GYPB: variants seen among roughly 807,000 people sequenced by gnomAD.
GYPB encodes glycophorin B (MNS blood group).
Under a neutral mutation model 15.3 loss-of-function variants are expected in GYPB, and 13 were observed. The ratio of observed to expected loss-of-function variants is 0.85; its 90% CI spans 0.55 to 1.35. GYPB has a LOEUF of 1.35. Among genes scored for constraint, GYPB ranks in the 40% most tolerant of loss-of-function variants. The pLI, the probability that GYPB is intolerant of heterozygous loss-of-function variation, is 0.00. For synonymous variants in GYPB, 38 were observed against 36.9 expected (o/e 1.03, Z -0.11); for missense variants, 131 against 108.3 (o/e 1.21, Z -0.93).
rs1005253127 is a variant in GYPB, at chr4:143,997,063, A to C, written c.270+477T>G. On this transcript the variant is annotated intron_variant, in intron 4 of 4. Coordinates refer to ENST00000502664, the MANE Select transcript of GYPB (RefSeq NM_002100.6). ...CTGATACTACACATGTGCACCACCA[A>C]GCCTTTCTAATTTTCATATTTTTTG... 5.4e-4 allele frequency among the ~76,000 whole-genome samples: 81 copies of C among 151,108 alleles called. 6 individuals carry two copies. Among genetic ancestry groups the C allele is most frequent in the African/African-American group, 1.9e-3 (76 of 40,592 alleles).
chr4:144,017,703 A>AC (rs1728578809), intron 1 of GYPB, among the ~76,000 whole-genome samples: 1 of 151,244 alleles, frequency 6.6e-6, no homozygotes, highest in African/African-American at 2.5e-5. Context: ...TGCTGGGCAC[A>AC]CCCCCAGTAG....
chr4:144,005,247 G>T (rs1229305740), intron 1 of GYPB, among the ~76,000 whole-genome samples: 1 of 151,966 alleles, frequency 6.6e-6, no homozygotes, highest in Non-Finnish European at 1.5e-5. Flanking sequence ...AGCATATCTG[G>T]TAAGCAGCAG....
intron 1 of GYPB, among the ~76,000 whole-genome samples, chr4:144,010,988 G>T (rs1309278458): frequency 6.6e-6 from 1 of 151,506 alleles, no homozygotes; most frequent in Admixed American, 6.6e-5. Flanking sequence ...TATGAAATAG[G>T]ATAACAGAAA....
At chr4:144,014,308 T>C (rs1238243602) in intron 1 of GYPB, among the ~76,000 whole-genome samples, 1 of 151,720 alleles carries the variant, frequency 6.6e-6, no homozygotes, top group African/African-American at 2.4e-5. Context: ...ATAGCAGCAC[T>C]ATTCACATTA....
intron 1 of GYPB, among the ~76,000 whole-genome samples, chr4:144,006,872 T>C (rs1727946587): frequency 6.6e-6 from 1 of 151,588 alleles, no homozygotes; most frequent in South Asian, 2.1e-4. Context: ...TCATATCCAT[T>C]GACTTCCAAC....
intron 2 of GYPB, among the ~76,000 whole-genome samples, chr4:144,000,654 C>A (rs1290709544): frequency 2.0e-5 from 3 of 151,206 alleles, no homozygotes; most frequent in African/African-American, 7.4e-5. Flanking sequence ...CAGCACCCAG[C>A]TTTGCTTATT....
At chr4:144,008,313 A>T (rs1728032732) in intron 1 of GYPB, 3 of 445,414 alleles carry the variant, frequency 6.7e-6, no homozygotes, top group Non-Finnish European at 1.4e-5. Flanking sequence ...TCACCAAATT[A>T]TAATGCAACC....
chr4:144,001,301 T>G lies in GYPB; in HGVS notation c.38-18A>C, dbSNP rs1344670613. 9 of 1,612,610 alleles carry G rather than the reference T, an allele frequency of 5.6e-6. No homozygotes were observed. Among genetic ancestry groups the G allele is most frequent in the Admixed American group, 1.7e-5 (1 of 59,948 alleles). ...CACAATTTCTGTATAAAATAGAAGTTGAGAAAGGGATTAAGAACGAGGTGA... is the reference window on the plus strand; with the variant it reads ...CACAATTTCTGTATAAAATAGAAGTGGAGAAAGGGATTAAGAACGAGGTGA... On this transcript the variant is annotated intron_variant, in intron 1 of 4. Transcript: ENST00000502664.
At chr4:144,015,564 A>C (rs1309013788) in intron 1 of GYPB, among the ~76,000 whole-genome samples, 4 of 151,480 alleles carry the variant, frequency 2.6e-5, no homozygotes, top group Non-Finnish European at 5.9e-5. Flanking sequence ...GTTTTGAATA[A>C]TCTTCTAGAA....
chr4:143,997,600 C>T lies in GYPB; in HGVS notation c.210G>A (p.Val70=), dbSNP rs770098408. The change falls in exon 4 of 5, where the codon GTG becomes GTA. Residue 70 remains valine, a synonymous_variant. Coordinates refer to ENST00000502664, the MANE Select transcript of GYPB (RefSeq NM_002100.6). Reference sequence around the variant, plus strand: ...GGATCGTTCCAATAATACCAGCCATCACACACAAAATAATGAGTATTATCA... The same window carrying T: ...GGATCGTTCCAATAATACCAGCCATTACACACAAAATAATGAGTATTATCA... ...PVVIILIILC[V]MAGIIGTILL... The T allele has an allele frequency of 3.8e-6, 6 of 1,596,414 alleles. No homozygotes were observed. Among genetic ancestry groups the T allele is most frequent in the Non-Finnish European group, 5.1e-6 (6 of 1,166,242 alleles).
At chr4:144,018,421 C>T (rs1305554191) in intron 1 of GYPB, among the ~76,000 whole-genome samples, 1 of 150,946 alleles carries the variant, frequency 6.6e-6, no homozygotes, top group African/African-American at 2.5e-5. Context: ...TTGATACTTG[C>T]GCTCACTTGG....
chr4:144,006,278 T>G (rs1225646539), intron 1 of GYPB, among the ~76,000 whole-genome samples: 3 of 151,952 alleles, frequency 2.0e-5, no homozygotes, highest in Non-Finnish European at 4.4e-5. Flanking sequence ...CTTATACTTG[T>G]ATAACATCGG....
At chr4:144,010,251 G>T (rs1728149979) in intron 1 of GYPB, among the ~76,000 whole-genome samples, 1 of 151,174 alleles carries the variant, frequency 6.6e-6, no homozygotes, top group Non-Finnish European at 1.5e-5. Flanking sequence ...ATCCCTTGAG[G>T]CCAGGAGCTT....
chr4:144,013,012 A>C (rs1728296756), intron 1 of GYPB, among the ~76,000 whole-genome samples: 2 of 151,740 alleles, frequency 1.3e-5, no homozygotes, highest in African/African-American at 4.9e-5. Flanking sequence ...AAAAACAAAA[A>C]TCTACAGAAT....
chr4:144,005,948 T>C (rs1191751267), intron 1 of GYPB, among the ~76,000 whole-genome samples: 2 of 151,502 alleles, frequency 1.3e-5, no homozygotes, highest in African/African-American at 4.9e-5. Flanking sequence ...CATGCATTGA[T>C]GTGGAGGCTT....
intron 1 of GYPB, among the ~76,000 whole-genome samples, chr4:144,011,998 AT>A (rs1275443568): frequency 6.6e-6 from 1 of 152,172 alleles, no homozygotes; most frequent in Non-Finnish European, 1.5e-5. Flanking sequence ...GTTTTTAAAA[AT>A]ATAATGATGA....
At chr4:144,003,757 A>G (rs1273575013) in intron 1 of GYPB, among the ~76,000 whole-genome samples, 2 of 151,366 alleles carry the variant, frequency 1.3e-5, no homozygotes, top group Non-Finnish European at 2.9e-5. Flanking sequence ...GTAAAAGAGC[A>G]CTTGGTGGAA....
intron 1 of GYPB, among the ~76,000 whole-genome samples, chr4:144,015,841 A>G (rs1435816406): frequency 6.6e-6 from 1 of 151,174 alleles, no homozygotes; most frequent in African/African-American, 2.5e-5. Context: ...ATGATTGTAG[A>G]TACCATCTAC....
chr4:144,001,784 C>T (rs558074289), intron 1 of GYPB, among the ~76,000 whole-genome samples: 43 of 150,854 alleles, frequency 2.9e-4, no homozygotes, highest in Admixed American at 4.6e-4. Context: ...AATAATTATA[C>T]AGAACAAAAG....
Sources: gnomAD v4.1 joint callset for allele counts (sites outside exome capture counted in the v4.1 genomes callset) on GRCh38, gnomAD v4.1.1 for gene constraint, MANE v1.5 for transcripts, NCBI Gene and HGNC (gene_info 2026-07-23, HGNC 2026-07-21) for gene names.